The following ZSCAN30 variants were observed in gnomAD, a reference collection of about 807,000 sequenced individuals.
ZSCAN30 encodes the protein zinc finger and SCAN domain containing 30.
Under a neutral mutation model 44.3 loss-of-function variants are expected in ZSCAN30, and 37 were observed. The observed-to-expected ratio is 0.84, with a 90% CI of 0.64 to 1.10. The LOEUF is 1.10. Among genes scored for constraint, ZSCAN30 ranks in the 50% least tolerant of loss-of-function variants. The pLI is 0.00. For synonymous variants in ZSCAN30, 181 were observed against 204.6 expected (o/e 0.88, Z 0.98); for missense variants, 549 against 582.6 (o/e 0.94, Z 0.59).
In ZSCAN30 at chr18:35,253,510, T is replaced by C; in HGVS notation, c.1425A>G (p.Arg475=). The C allele has an allele frequency of 8.7e-6, 14 of 1,611,452 alleles. No individual in the cohort carries two copies. The highest frequency in any genetic ancestry group is 9.3e-6 in the Non-Finnish European group (11 of 1,178,026). The part of the protein sequence containing the change: ...GEKPYECSEC[R]KTFRHRSGLM... ...GGCCTGACCTATGCCTAAATGTTTTTCTACATTCACTACATTCATAAGGCT... is the reference window on the plus strand; with the variant it reads ...GGCCTGACCTATGCCTAAATGTTTTCCTACATTCACTACATTCATAAGGCT... The change falls in exon 4 of 4, where the codon AGA becomes AGG. Residue 475 remains arginine (R), a synonymous_variant. Transcript: ENST00000333206.
intron 3 of ZSCAN30, chr18:35,257,927 G>C: frequency 1.3e-6 from 1 of 781,016 alleles, no homozygotes; most frequent in Non-Finnish European, 2.4e-6. Flanking sequence ...CTCCATTACA[G>C]ATTTTTCCTG....
chr18:35,276,447 A>C (rs9957577), intron 1 of ZSCAN30, among the ~76,000 whole-genome samples: 129,674 of 152,150 alleles, frequency 0.85, 56,015 homozygotes, highest in Non-Finnish European at 0.93. Context: ...AGGAGGAAAA[A>C]ATGGTTTTGT....
intron 3 of ZSCAN30, 60 bp downstream of exon 3, chr18:35,263,453 G>A (rs144860213): frequency 0.022 from 35,977 of 1,599,186 alleles, 516 homozygotes; most frequent in Middle Eastern, 0.033. Context: ...AAAATGAACC[G>A]TGCCACAGTT....
In ZSCAN30 at chr18:35,263,399, C is replaced by T. The variant is rs1379727316; in HGVS notation, c.553+114G>A. The T allele has an allele frequency of 6.7e-6, 9 of 1,335,586 alleles. No homozygotes were observed. The East Asian group carries it at 2.1e-4, about 31-fold the overall frequency. 82.7% of individuals were successfully genotyped at this position (1,335,586 alleles called of 1,614,324 possible). A position where few individuals can be genotyped will look rare whatever the true frequency, so the allele number is the denominator to read the frequency against. ...GAAGAATATTTCTAGGCAAAGAAGC[C>T]TTTCCACAATACTTAGTGATAGCCA... On this transcript the variant is annotated intron_variant, in intron 3 of 3. Transcript: ENST00000333206.
At position 35,253,397 on chromosome 18, in the gene ZSCAN30, C is replaced by T; in HGVS notation, c.*53G>A. 1 of 1,465,354 alleles carries T rather than the reference C, an allele frequency of 6.8e-7. No individual in the cohort carries two copies. The highest frequency in any genetic ancestry group is 2.3e-5 in the East Asian group (1 of 43,744). The allele number at this position is 1,465,354 out of a possible 1,614,324, so 90.8% of individuals were successfully genotyped here. ...AACTTTTCTTTTCTGTGGAGTCTCACCCCTACAGTGAACTCCTTGCATTTC... is the reference window on the plus strand; with the variant it reads ...AACTTTTCTTTTCTGTGGAGTCTCATCCCTACAGTGAACTCCTTGCATTTC... On this transcript the variant is annotated 3_prime_UTR_variant, in exon 4 of 4. Coordinates refer to ENST00000333206, the MANE Select transcript of ZSCAN30 (RefSeq NM_001112734.4).
At chr18:35,274,700 C>T (rs1188639769) in intron 1 of ZSCAN30, among the ~76,000 whole-genome samples, 1 of 152,190 alleles carries the variant, frequency 6.6e-6, no homozygotes, top group Non-Finnish European at 1.5e-5. Context: ...CTTTGGTTCA[C>T]CTCACTGGAC....
intron 1 of ZSCAN30, among the ~76,000 whole-genome samples, chr18:35,279,535 T>C (rs908180437): frequency 2.0e-5 from 3 of 152,202 alleles, no homozygotes; most frequent in Non-Finnish European, 2.9e-5. Context: ...TAACAAAAAA[T>C]AGCATAGCCT....
At chr18:35,256,844 A>T (rs2043841126) in intron 3 of ZSCAN30, among the ~76,000 whole-genome samples, 1 of 152,152 alleles carries the variant, frequency 6.6e-6, no homozygotes, top group African/African-American at 2.4e-5. Flanking sequence ...TACAATTATC[A>T]GCCACTGCAG....
At chr18:35,258,268 C>T (rs920420188) in intron 3 of ZSCAN30, 11 of 388,710 alleles carry the variant, frequency 2.8e-5, no homozygotes, top group Admixed American at 4.1e-5. Flanking sequence ...AAATGGAGAA[C>T]GAGTAAATTT....
chr18:35,271,186 C>T (rs1001991728), intron 1 of ZSCAN30, among the ~76,000 whole-genome samples: 3 of 152,200 alleles, frequency 2.0e-5, no homozygotes, highest in Non-Finnish European at 2.9e-5. Flanking sequence ...CTGCTGCTTG[C>T]TGGGGCAGCC....
intron 1 of ZSCAN30, among the ~76,000 whole-genome samples, chr18:35,275,133 A>G (rs188654403): frequency 1.1e-4 from 17 of 152,322 alleles, no homozygotes; most frequent in Admixed American, 9.8e-4. Context: ...TACAATAAGT[A>G]TTTCTAGATG....
chr18:35,274,201 T>A (rs1198087695), intron 1 of ZSCAN30, among the ~76,000 whole-genome samples: 1 of 152,110 alleles, frequency 6.6e-6, no homozygotes, highest in Non-Finnish European at 1.5e-5. Context: ...GGCTTTTTTT[T>A]GCTTGTTTTT....
chr18:35,286,049 A>G (rs2044543755), intron 1 of ZSCAN30, among the ~76,000 whole-genome samples: 1 of 152,184 alleles, frequency 6.6e-6, no homozygotes, highest in South Asian at 2.1e-4. Context: ...AAAAGGACAA[A>G]GTAATATTAT....
rs2044080202 is a variant in ZSCAN30, at chr18:35,263,576, C to G, written c.490G>C (p.Val164Leu). Reference protein sequence around the residue: ...ALKSLSLNSPVQPLENQCKTE... With the variant: ...ALKSLSLNSPLQPLENQCKTE... ...TTGCACTGGTTCTCTAAGGGCTGCA[C>G]CGGGCTATTCAGAGACAGAGACTTC... is the stretch of plus-strand genomic sequence containing the variant. Residue 164 changes from valine to leucine, a missense_variant, in exon 3 of 4, where the codon GTG becomes CTG. Coordinates refer to ENST00000333206, the MANE Select transcript of ZSCAN30 (RefSeq NM_001112734.4). 1.1e-5 allele frequency: 17 copies of G among 1,614,070 alleles called. No homozygotes were observed. Among genetic ancestry groups the G allele is most frequent in the Non-Finnish European group, 1.4e-5 (16 of 1,180,060 alleles).
chr18:35,257,903 TC>T, intron 3 of ZSCAN30: 1 of 781,076 alleles, frequency 1.3e-6, no homozygotes, highest in African/African-American at 1.7e-5. Flanking sequence ...CCCTTCCTAA[TC>T]CTGCTTCTCT....
chr18:35,284,505 G>A (rs1389051565), intron 1 of ZSCAN30: 2 of 155,094 alleles, frequency 1.3e-5, no homozygotes, highest in East Asian at 3.9e-4. Flanking sequence ...AAAGTCTGGA[G>A]GGGGCTGAAG....
Position 35,253,533 on chromosome 18 carries a change from G to A in ZSCAN30, c.1402C>T (p.Pro468Ser), listed in dbSNP as rs766036691. 4 of 1,613,780 alleles carry A rather than the reference G, an allele frequency of 2.5e-6. No homozygotes were observed. The highest frequency in any genetic ancestry group is 2.2e-5 in the South Asian group (2 of 91,078). The change falls in exon 4 of 4, where the codon CCT (proline) becomes TCT (serine). Residue 468 changes from proline (P) to serine (S), a missense_variant. Coordinates refer to ENST00000333206, the MANE Select transcript of ZSCAN30 (RefSeq NM_001112734.4). ...QHQRIHTGEK[P>S]YECSECRKTF... ...TTTCTACATTCACTACATTCATAAG[G>A]CTTCTCTCCAGTGTGAATTCTCTGG...
Position 35,253,676 on chromosome 18 carries a change from T to A in ZSCAN30, c.1259A>T (p.Lys420Met). 2 of 1,614,144 alleles carry A rather than the reference T, an allele frequency of 1.2e-6. No homozygotes were observed. The highest frequency in any genetic ancestry group is 1.7e-6 in the Non-Finnish European group (2 of 1,180,012). ...AAGGATAGAACTCCTACCAAAAGCCTTACCACATGCAATACATTCATAGCT... is the reference window on the plus strand; with the variant it reads ...AAGGATAGAACTCCTACCAAAAGCCATACCACATGCAATACATTCATAGCT... ...DKSYECIACG[K>M]AFGRSSILIE... is the part of the protein sequence containing the mutation. Residue 420 changes from lysine (K) to methionine (M), a missense_variant, in exon 4 of 4, where the codon AAG becomes ATG. Lys to Met is a moderately conservative substitution (Grantham distance 95, BLOSUM62 -1). Coordinates refer to ENST00000333206, the MANE Select transcript of ZSCAN30 (RefSeq NM_001112734.4).
rs762067468 is a variant in ZSCAN30, at chr18:35,254,061, G to A, written c.874C>T (p.Gln292Ter). The A allele has an allele frequency of 3.1e-6, 5 of 1,613,988 alleles. No homozygotes were observed. The highest frequency in any genetic ancestry group is 3.4e-6 in the Non-Finnish European group (4 of 1,180,024). Residue 292 changes from glutamine (Q) to a stop codon, truncating the protein, a stop_gained, in exon 4 of 4, where the codon CAG (glutamine) becomes TAG (stop). Coordinates refer to ENST00000333206, the MANE Select transcript of ZSCAN30 (RefSeq NM_001112734.4). LOFTEE classifies it high-confidence loss of function. ...FSMNSNDITQ[Q>*]SVDTREKLYE... ...AGCTTTTCCCTAGTGTCAACGCTCT[G>A]TTGTGTAATATCATTTGAATTCATA... is the stretch of plus-strand genomic sequence containing the variant.
Sources: allele counts gnomAD v4.1 joint callset (sites outside exome capture counted in the v4.1 genomes callset), GRCh38; gene constraint gnomAD v4.1.1; transcripts MANE v1.5; gene names NCBI Gene and HGNC (gene_info 2026-07-23, HGNC 2026-07-21).